METTL25: variants seen among roughly 807,000 people sequenced by gnomAD.
The protein encoded by METTL25 is probable methyltransferase-like protein 25.
METTL25 carries 64 observed loss-of-function variants against 71.6 expected under a neutral mutation model. The ratio of observed to expected loss-of-function variants is 0.89; its 90% CI spans 0.73 to 1.10. The LOEUF is 1.10. Among genes scored for constraint, METTL25 ranks in the 50% least tolerant of loss-of-function variants. The probability of loss-of-function intolerance (pLI) is 0.00; values close to 1 mark genes in which losing one functional copy is unlikely to be tolerated. For missense variants in METTL25, 807 were observed against 707.0 expected, an observed-to-expected ratio of 1.14 and a Z score of -1.60; for synonymous variants, 287 against 250.3, an observed-to-expected ratio of 1.15 and a Z score of -1.38.
chr12:82,423,294 G>A (rs1213752554), intron 5 of METTL25, among the ~76,000 whole-genome samples: 1 of 152,194 alleles, frequency 6.6e-6, no homozygotes, highest in Non-Finnish European at 1.5e-5. Context: ...AATGGGGAAA[G>A]CAATCCCTGT....
At chr12:82,454,759 C>G (rs1366057806) in intron 8 of METTL25, among the ~76,000 whole-genome samples, 1 of 151,956 alleles carries the variant, frequency 6.6e-6, no homozygotes. Flanking sequence ...ACTATATTCT[C>G]TCTTACACTT....
intron 8 of METTL25, among the ~76,000 whole-genome samples, chr12:82,446,702 C>T (rs1890773737): frequency 1.3e-5 from 2 of 151,288 alleles, no homozygotes; most frequent in Admixed American, 6.6e-5. Context: ...CTGCAACCTC[C>T]GCTTCACGGA....
At chr12:82,469,953 T>G (rs1006019712) in intron 9 of METTL25, among the ~76,000 whole-genome samples, 3 of 152,180 alleles carry the variant, frequency 2.0e-5, no homozygotes, top group Non-Finnish European at 4.4e-5. Context: ...GTTCTCATTT[T>G]TTATGCTAAA....
intron 5 of METTL25, among the ~76,000 whole-genome samples, chr12:82,414,826 G>A (rs1286423761): frequency 3.9e-5 from 6 of 151,960 alleles, no homozygotes; most frequent in Non-Finnish European, 7.4e-5. Context: ...TTTTGCTATA[G>A]CGTTCTCATT....
At chr12:82,420,411 C>T (rs1284350197) in intron 5 of METTL25, among the ~76,000 whole-genome samples, 1 of 152,032 alleles carries the variant, frequency 6.6e-6, no homozygotes, top group East Asian at 1.9e-4. Flanking sequence ...AAGTTTTTGG[C>T]ATTGCTAATG....
At chr12:82,395,121 G>A (rs1391257917) in intron 3 of METTL25, among the ~76,000 whole-genome samples, 1 of 151,940 alleles carries the variant, frequency 6.6e-6, no homozygotes, top group Admixed American at 6.6e-5. Flanking sequence ...ACTCTGTTAG[G>A]TTGTATTATG....
intron 9 of METTL25, among the ~76,000 whole-genome samples, chr12:82,457,030 C>T (rs536633566): frequency 6.6e-6 from 1 of 152,028 alleles, no homozygotes; most frequent in East Asian, 1.9e-4. Flanking sequence ...TCCAGAGTTT[C>T]CCTCTTTTAG....
intron 1 of METTL25, among the ~76,000 whole-genome samples, chr12:82,383,424 C>T (rs1229684149): frequency 6.6e-6 from 1 of 152,098 alleles, no homozygotes; most frequent in Non-Finnish European, 1.5e-5. Context: ...TTAATTCATA[C>T]TACCTTGGAT....
chr12:82,397,169 T>C (rs1043946396), intron 3 of METTL25, among the ~76,000 whole-genome samples: 3 of 152,080 alleles, frequency 2.0e-5, no homozygotes, highest in African/African-American at 7.2e-5. Context: ...GTAAACTCAG[T>C]GTTTTCCAAA....
chr12:82,450,649 A>G (rs185377614), intron 8 of METTL25, among the ~76,000 whole-genome samples: 1 of 152,242 alleles, frequency 6.6e-6, no homozygotes, highest in Admixed American at 6.5e-5. Context: ...TGATCTGCAA[A>G]GCCTTATGTC....
chr12:82,432,263 T>G (rs1889566617), intron 6 of METTL25, among the ~76,000 whole-genome samples: 1 of 151,708 alleles, frequency 6.6e-6, no homozygotes, highest in Non-Finnish European at 1.5e-5. Context: ...AATGTATTTA[T>G]GCTAACATAA....
intron 5 of METTL25, among the ~76,000 whole-genome samples, chr12:82,412,522 C>T (rs1232177214): frequency 6.6e-6 from 1 of 152,050 alleles, no homozygotes; most frequent in Admixed American, 6.6e-5. Context: ...ACAGTCAGCT[C>T]CCTCTGGACC....
rs965843921 is a variant in METTL25 at position 82,435,713 on chromosome 12, A to G, written c.1404+989A>G. ...AGTGGAGTGATAATAATACCTTCCTATAGGGTTGTTAGGATGAAGTGAATG... is the reference window on the plus strand; with the variant it reads ...AGTGGAGTGATAATAATACCTTCCTGTAGGGTTGTTAGGATGAAGTGAATG... On this transcript the variant is annotated intron_variant, in intron 7 of 11. Transcript: ENST00000248306. 2.6e-5 allele frequency among the ~76,000 whole-genome samples: 4 copies of G among 151,510 alleles called. No homozygotes were observed. The East Asian group carries it at 7.8e-4, about 29-fold the overall frequency.
rs148294101 is a variant in METTL25 at position 82,358,754 on chromosome 12, G to A, written c.189G>A (p.Arg63=). 3.1e-6 allele frequency: 5 copies of A among 1,614,072 alleles called. No individual in the cohort carries two copies. The South Asian group carries it at 4.4e-5, about 14-fold the overall frequency. ...LPPETVLAAL[R]KSASETEALP... ...CGGAGACAGTGCTGGCTGCGCTGAG[G>A]AAGTCAGCGTCGGAGACGGAGGCCC... The change falls in exon 1 of 12, where the codon AGG becomes AGA. Residue 63 remains arginine, a synonymous_variant. Transcript: ENST00000248306.
At chr12:82,409,379 G>A (rs1449952638) in intron 5 of METTL25, among the ~76,000 whole-genome samples, 1 of 152,070 alleles carries the variant, frequency 6.6e-6, no homozygotes, top group Non-Finnish European at 1.5e-5. Context: ...ATTGATTATT[G>A]TAATAATTAA....
intron 5 of METTL25, among the ~76,000 whole-genome samples, chr12:82,417,475 G>A (rs139932658): frequency 6.6e-6 from 1 of 152,178 alleles, no homozygotes; most frequent in African/African-American, 2.4e-5. Context: ...AGTTTGTTTG[G>A]CATTACTTGT....
chr12:82,437,473 ATGAT>A (rs1460766631), intron 7 of METTL25, among the ~76,000 whole-genome samples: 1 of 151,630 alleles, frequency 6.6e-6, no homozygotes, highest in Non-Finnish European at 1.5e-5. Flanking sequence ...TGTAAGGAAA[ATGAT>A]TGACCCTCAG....
rs1033056961 is a variant in METTL25 at position 82,400,089 on chromosome 12, C to G, written c.1131+695C>G. 5.3e-5 allele frequency among the ~76,000 whole-genome samples: 8 copies of G among 151,912 alleles called. No homozygotes were observed. The South Asian group carries it at 1.7e-3, about 32-fold the overall frequency. ...CTGTAGTCCCAGCACTTTGGGAGGC[C>G]AAGGCAGGTGGATCACGAGGTCAGG... is the stretch of plus-strand genomic sequence containing the variant. On this transcript the variant is annotated intron_variant, in intron 4 of 11. Coordinates refer to ENST00000248306, the MANE Select transcript of METTL25 (RefSeq NM_032230.3).
chr12:82,418,286 G>A (rs1054260112), intron 5 of METTL25, among the ~76,000 whole-genome samples: 2 of 152,068 alleles, frequency 1.3e-5, no homozygotes, highest in Non-Finnish European at 2.9e-5. Context: ...GTTTCGAACA[G>A]GTTGACTTTG....
Sources: allele counts gnomAD v4.1 joint callset (sites outside exome capture counted in the v4.1 genomes callset), GRCh38; gene constraint gnomAD v4.1.1; transcripts MANE v1.5; gene names NCBI Gene and HGNC (gene_info 2026-07-23, HGNC 2026-07-21).